The following ZNF492 variants were observed in gnomAD, a reference collection of about 807,000 sequenced individuals.
ZNF492 encodes the protein zinc finger protein 115 (Y20).
A neutral mutation model predicts 6.4 loss-of-function variants in ZNF492; 3 were observed. The observed-to-expected ratio is 0.47, with a 90% confidence interval of 0.21 to 1.22. ZNF492 has a LOEUF of 1.22. Ranked by LOEUF, ZNF492 falls within the 50% of genes most tolerant of loss-of-function variation. The probability of loss-of-function intolerance (pLI) is 0.22; values close to 1 mark genes in which losing one functional copy is unlikely to be tolerated. For synonymous variants in ZNF492, 112 were observed against 205.3 expected, an observed-to-expected ratio of 0.55 and a Z score of 3.89; for missense variants, 356 against 612.5, an observed-to-expected ratio of 0.58 and a Z score of 4.42.
chr19:22,642,316 T>C (rs1964349668), intron 1 of ZNF492, among the ~76,000 whole-genome samples: 1 of 151,988 alleles, frequency 6.6e-6, no homozygotes, highest in African/African-American at 2.4e-5. Context: ...TTAGATTATA[T>C]GTAGGTATTT....
chr19:22,635,086 G>A (rs1971747115), intron 1 of ZNF492, among the ~76,000 whole-genome samples: 1 of 151,884 alleles, frequency 6.6e-6, no homozygotes, highest in African/African-American at 2.4e-5. Flanking sequence ...CAAATTTCCT[G>A]GTTGTGTAAT....
intron 3 of ZNF492, among the ~76,000 whole-genome samples, chr19:22,658,480 T>A (rs2085976122): frequency 6.7e-6 from 1 of 148,636 alleles, no homozygotes; most frequent in East Asian, 1.9e-4. Context: ...TCTAGAAATT[T>A]TACAATACAC....
At chr19:22,656,769 A>C (rs939884846) in intron 3 of ZNF492, among the ~76,000 whole-genome samples, 2 of 152,082 alleles carry the variant, frequency 1.3e-5, no homozygotes, top group African/African-American at 4.8e-5. Context: ...CCTGAATGAA[A>C]GCCTGCCTTC....
chr19:22,645,544 T>G (rs1432181440), intron 1 of ZNF492, among the ~76,000 whole-genome samples: 2 of 152,156 alleles, frequency 1.3e-5, no homozygotes, highest in African/African-American at 2.4e-5. Context: ...ATTTGTCAAT[T>G]TTGGGTTTAG....
At chr19:22,649,476 C>T (rs934941115) in intron 1 of ZNF492, among the ~76,000 whole-genome samples, 1 of 152,134 alleles carries the variant, frequency 6.6e-6, no homozygotes, top group African/African-American at 2.4e-5. Flanking sequence ...GTTAGCTTGT[C>T]TTGCTAAACT....
rs1190008780 is a variant in ZNF492, at chr19:22,666,020, C to T, written c.*755C>T. 6.6e-6 allele frequency: 1 copy of T among 151,244 alleles called. No homozygotes were observed. The highest frequency in any genetic ancestry group is 2.4e-5 in the African/African-American group (1 of 40,968). 9.4% of individuals were successfully genotyped at this position (151,244 alleles called of 1,614,324 possible). On this transcript the variant is annotated 3_prime_UTR_variant, in exon 4 of 4. Coordinates refer to ENST00000456783, the MANE Select transcript of ZNF492 (RefSeq NM_020855.3). ...GAGTAGAAGATTTTTTGGAGAGTTA[C>T]AAGTATACTTTTTTTTAGAAAGATT... is the stretch of plus-strand genomic sequence containing the variant.
At position 22,666,231 on chromosome 19, in the gene ZNF492, C is replaced by CG. The variant is rs533544640; in HGVS notation, c.*966_*967insG. Reference sequence around the variant, plus strand: ...AGATGGAGTCTTGCTCTATCGCCCCCCCAGGCTGGAGTACAGTGGCACGAT... The same window carrying CG: ...AGATGGAGTCTTGCTCTATCGCCCCCGCCAGGCTGGAGTACAGTGGCACGAT... On this transcript the variant is annotated 3_prime_UTR_variant, in exon 4 of 4. Transcript: ENST00000456783. 584 of 150,852 alleles carry CG rather than the reference C, an allele frequency of 3.9e-3. 5 individuals carry two copies. Among genetic ancestry groups the CG allele is most frequent in the African/African-American group, 0.013 (542 of 41,054 alleles). The allele number at this position is 150,852 out of a possible 1,614,324, so 9.3% of individuals were successfully genotyped here.
At chr19:22,647,774 A>G (rs74169641) in intron 1 of ZNF492, among the ~76,000 whole-genome samples, 22,659 of 133,478 alleles carry the variant, frequency 0.17, 2,633 homozygotes, top group African/African-American at 0.33. Flanking sequence ...CTGTCACCCA[A>G]GCTGGAGTCC....
In ZNF492 at chr19:22,647,727, G is replaced by GTTTTTTT. The variant is rs71180575; in HGVS notation, c.-93-5566_-93-5560dup. ...TTGCTCTTGCTTTCTAGCTCTTTTAGTTTTTTTTTTTTTTTTTTTTGAGAT... is the reference window on the plus strand; with the variant it reads ...TTGCTCTTGCTTTCTAGCTCTTTTAGTTTTTTTTTTTTTTTTTTTTTTTTTTTGAGAT... On this transcript the variant is annotated intron_variant, in intron 1 of 3. Transcript: ENST00000456783. 4.7e-3 allele frequency among the ~76,000 whole-genome samples: 436 copies of GTTTTTTT among 92,564 alleles called. 58 individuals are homozygous for GTTTTTTT. Among genetic ancestry groups the GTTTTTTT allele is most frequent in the African/African-American group, 0.02 (413 of 21,060 alleles). The allele number at this position is 92,564 out of a possible 152,430, so 60.7% of individuals were successfully genotyped here.
chr19:22,639,411 GT>G (rs1342890396), intron 1 of ZNF492, among the ~76,000 whole-genome samples: 1 of 151,768 alleles, frequency 6.6e-6, no homozygotes, highest in Non-Finnish European at 1.5e-5. Context: ...TTTTTTGTCA[GT>G]TTGAAAAGCT....
intron 1 of ZNF492, among the ~76,000 whole-genome samples, chr19:22,646,709 G>A (rs1482782942): frequency 6.6e-6 from 1 of 152,060 alleles, no homozygotes; most frequent in African/African-American, 2.4e-5. Context: ...CTAATTTATT[G>A]AGAGTTCTTA....
At chr19:22,639,078 G>T (rs1211095290) in intron 1 of ZNF492, among the ~76,000 whole-genome samples, 1 of 151,940 alleles carries the variant, frequency 6.6e-6, no homozygotes, top group African/African-American at 2.4e-5. Flanking sequence ...CTGACCTCGT[G>T]ATCCACCTGC....
At chr19:22,654,178 T>A (rs3745116) in intron 3 of ZNF492, among the ~76,000 whole-genome samples, 163 bp downstream of exon 3, 28,489 of 152,098 alleles carry the variant, frequency 0.19, 3,458 homozygotes, top group African/African-American at 0.34. Context: ...TAGAAGCATC[T>A]TCTGTCTTAT....
In ZNF492 at chr19:22,653,912, T is replaced by A. The variant is rs987347005; in HGVS notation, c.35-8T>A. 14 of 1,578,218 alleles carry A rather than the reference T, an allele frequency of 8.9e-6. No homozygotes were observed. The African/African-American group carries it at 1.1e-4, about 12-fold the overall frequency. ...TGAGCAAGATTCATGTTATTTGTAA[T>A]AAAACAGGTATTGCTGCCTCTAAGC... On this transcript the variant is annotated splice_region_variant and splice_polypyrimidine_tract_variant and intron_variant, in intron 2 of 3. Coordinates refer to ENST00000456783, the MANE Select transcript of ZNF492 (RefSeq NM_020855.3).
At chr19:22,663,750 A>T (rs545874982) in intron 3 of ZNF492, 50 bp from the exon 4 acceptor site, 2 of 1,432,696 alleles carry the variant, frequency 1.4e-6, no homozygotes, top group Non-Finnish European at 1.8e-6. Context: ...TGTAAAGTAC[A>T]TTCGTCTGAG....
At chr19:22,663,711 G>T in intron 3 of ZNF492, 89 bp from the exon 4 acceptor site, 1 of 1,238,406 alleles carries the variant, frequency 8.1e-7, no homozygotes, top group Non-Finnish European at 1.1e-6. Context: ...ATCTTGTGAT[G>T]TAGTTTGTAT....
intron 3 of ZNF492, among the ~76,000 whole-genome samples, chr19:22,662,454 TG>T (rs1446272350): frequency 2.0e-5 from 3 of 152,370 alleles, no homozygotes; most frequent in Non-Finnish European, 4.4e-5. Flanking sequence ...TACCCAGTAA[TG>T]GGATGGCTGG....
chr19:22,639,493 C>T (rs953483783), intron 1 of ZNF492, among the ~76,000 whole-genome samples: 1 of 151,896 alleles, frequency 6.6e-6, no homozygotes, highest in African/African-American at 2.4e-5. Flanking sequence ...GGCAGATCAT[C>T]TGAGGTCGGA....
chr19:22,652,820 C>T (rs1208316737), intron 1 of ZNF492, among the ~76,000 whole-genome samples: 3 of 152,148 alleles, frequency 2.0e-5, no homozygotes, highest in Non-Finnish European at 4.4e-5. Flanking sequence ...ACCTCGTGAT[C>T]CACCCGCCTT....
Sources: gnomAD v4.1 joint callset for allele counts (sites outside exome capture counted in the v4.1 genomes callset) on GRCh38, gnomAD v4.1.1 for gene constraint, MANE v1.5 for transcripts, NCBI Gene and HGNC (gene_info 2026-07-23, HGNC 2026-07-21) for gene names.